Variants in OPHN1 observed in about 807,000 individuals in gnomAD.
OPHN1 encodes the protein oligophrenin 1.
A neutral mutation model predicts 60.7 loss-of-function variants in OPHN1; 11 were observed. The observed-to-expected ratio is 0.18, with a 90% CI of 0.11 to 0.30. The LOEUF is 0.30. Among genes scored for constraint, OPHN1 ranks in the 10% least tolerant of loss-of-function variants. OPHN1 has a pLI of 1.00. For missense variants in OPHN1, 449 were observed against 611.0 expected, an observed-to-expected ratio of 0.73 and a Z score of 2.80; for synonymous variants, 226 against 222.6, an observed-to-expected ratio of 1.02 and a Z score of -0.14.
Position 68,398,513 on chromosome X carries a change from G to A in OPHN1, c.154+34354C>T, listed in dbSNP as rs138367576. Reference sequence around the variant, plus strand: ...AAAAGAAACCACACAGAAACACAGGGCTATCAGGTTTATAAAGAAGTCACT... The same window carrying A: ...AAAAGAAACCACACAGAAACACAGGACTATCAGGTTTATAAAGAAGTCACT... On this transcript the variant is annotated intron_variant, in intron 2 of 24. Transcript: ENST00000355520. 1.9e-4 allele frequency among the ~76,000 whole-genome samples: 21 copies of A among 112,035 alleles called. No individual in the cohort carries two copies. In the East Asian group the frequency reaches 5.9e-3, roughly 31 times the overall value.
chrX:68,349,935 A>C (rs1161077746), intron 2 of OPHN1, among the ~76,000 whole-genome samples: 2 of 111,038 alleles, frequency 1.8e-5, no homozygotes, highest in Non-Finnish European at 3.8e-5. Context: ...GGGAGGGATA[A>C]CATTAGGAGA....
chrX:68,374,969 T>A (rs888587191), intron 2 of OPHN1, among the ~76,000 whole-genome samples: 1 of 112,049 alleles, frequency 8.9e-6, no homozygotes, highest in African/African-American at 3.2e-5. Context: ...GGCCATACCA[T>A]GTGCTGCCAA....
chrX:68,283,129 G>A lies in OPHN1; in HGVS notation c.251-12C>T. On this transcript the variant is annotated splice_polypyrimidine_tract_variant and intron_variant, in intron 3 of 24. Transcript: ENST00000355520. ...CTTGAAGGATTCAGCTGGAAGGAGA[G>A]AATCAAATGTAAAACAAATTAATCA... 1 of 1,180,175 alleles carries A rather than the reference G, an allele frequency of 8.5e-7. No homozygotes were observed. The highest frequency in any genetic ancestry group is 1.2e-6 in the Non-Finnish European group (1 of 867,517).
intron 5 of OPHN1, among the ~76,000 whole-genome samples, chrX:68,271,109 C>T (rs1038416348): frequency 3.6e-5 from 4 of 111,556 alleles, no homozygotes; most frequent in African/African-American, 1.3e-4. Context: ...AGGCTAAGTC[C>T]AATCAGGAGA....
rs751330679 is a variant in OPHN1, at chrX:68,314,941, G to A, written c.155-15845C>T. Among the ~76,000 whole-genome samples the A allele has an allele frequency of 6.2e-4, 65 of 105,349 alleles. No individual in the cohort carries two copies. The Admixed American group carries it at 6.2e-3, about 10-fold the overall frequency. 91.5% of individuals were successfully genotyped at this position (105,349 alleles called of 115,157 possible). A position where few individuals can be genotyped will look rare whatever the true frequency, so the allele number is the denominator to read the frequency against. On this transcript the variant is annotated intron_variant, in intron 2 of 24. Coordinates refer to ENST00000355520, the MANE Select transcript of OPHN1 (RefSeq NM_002547.3). ...GTGGAGGTTGCAGTGAGCCAAGATC[G>A]TGTCACTGCACTCCAGCCTGGGCGA...
chrX:68,167,634 T>C (rs1459210116), intron 15 of OPHN1, among the ~76,000 whole-genome samples: 2 of 110,257 alleles, frequency 1.8e-5, no homozygotes, highest in Admixed American at 9.7e-5. Context: ...CATGCATGCA[T>C]ATATATGCAT....
chrX:68,356,254 T>C (rs1008310391), intron 2 of OPHN1, among the ~76,000 whole-genome samples: 9 of 110,325 alleles, frequency 8.2e-5, no homozygotes, highest in South Asian at 3.9e-4. Context: ...AAGGCTTAAA[T>C]AGAACAAAAG....
chrX:68,181,940 T>C (rs1350167229), intron 15 of OPHN1, among the ~76,000 whole-genome samples: 1 of 112,209 alleles, frequency 8.9e-6, no homozygotes, highest in East Asian at 2.8e-4. Flanking sequence ...ACAAATCCTA[T>C]GTCTAGAACT....
chrX:68,240,351 C>A (rs1258980467), intron 5 of OPHN1, among the ~76,000 whole-genome samples: 1 of 111,582 alleles, frequency 9.0e-6, no homozygotes, highest in African/African-American at 3.3e-5. Context: ...AGGATTTGAA[C>A]CGACTCATTT....
intron 2 of OPHN1, among the ~76,000 whole-genome samples, chrX:68,401,825 C>T (rs2078716055): frequency 9.0e-6 from 1 of 111,580 alleles, no homozygotes; most frequent in Admixed American, 9.7e-5. Flanking sequence ...CGAGGAGAAC[C>T]AGAGCTGAAC....
chrX:68,071,873 C>A (rs1427609817), intron 20 of OPHN1: 7 of 309,628 alleles, frequency 2.3e-5, no homozygotes, highest in Non-Finnish European at 4.0e-5. Context: ...AAAGGATGTG[C>A]TGTTACTGGC....
chrX:68,417,359 T>G (rs1377103651), intron 2 of OPHN1, among the ~76,000 whole-genome samples: 1 of 112,246 alleles, frequency 8.9e-6, no homozygotes, highest in African/African-American at 3.2e-5. Context: ...CCCAAAGTGC[T>G]GAGATTATAG....
intron 6 of OPHN1, among the ~76,000 whole-genome samples, chrX:68,229,284 C>T (rs1273642180): frequency 8.9e-6 from 1 of 111,949 alleles, no homozygotes; most frequent in African/African-American, 3.2e-5. Context: ...AATGGAAGTA[C>T]ATTCCATGCA....
chrX:68,065,986 A>G (rs1260181463), intron 20 of OPHN1, among the ~76,000 whole-genome samples: 1 of 112,302 alleles, frequency 8.9e-6, no homozygotes, highest in Non-Finnish European at 1.9e-5. Context: ...GTAGACACAT[A>G]GCCCTTTATT....
At chrX:68,276,442 G>A (rs552930443) in intron 4 of OPHN1, among the ~76,000 whole-genome samples, 2 of 111,458 alleles carry the variant, frequency 1.8e-5, no homozygotes, top group African/African-American at 6.5e-5. Context: ...ATTCATTTTG[G>A]TTGCTTAGGA....
At chrX:68,333,305 G>T (rs951236700) in intron 2 of OPHN1, among the ~76,000 whole-genome samples, 2 of 108,952 alleles carry the variant, frequency 1.8e-5, no homozygotes, top group Non-Finnish European at 3.8e-5. Flanking sequence ...GTCATATAAT[G>T]TAATAATATT....
At chrX:68,246,530 G>A (rs1467292551) in intron 5 of OPHN1, among the ~76,000 whole-genome samples, 2 of 111,755 alleles carry the variant, frequency 1.8e-5, no homozygotes, top group East Asian at 5.6e-4. Context: ...TGAGTGGGTC[G>A]ATGGTTGCCC....
intron 2 of OPHN1, among the ~76,000 whole-genome samples, chrX:68,349,919 G>T (rs2078399056): frequency 9.1e-6 from 1 of 110,408 alleles, no homozygotes; most frequent in African/African-American, 3.3e-5. Context: ...GGGGGTGGGG[G>T]GCTAGGGGAG....
chrX:68,228,372 C>T (rs758349856), intron 6 of OPHN1, among the ~76,000 whole-genome samples: 1 of 108,876 alleles, frequency 9.2e-6, no homozygotes, highest in African/African-American at 3.3e-5. Flanking sequence ...TATTCCAATC[C>T]ATAGAAAAAG....
Sources: gnomAD v4.1 joint callset for allele counts (sites outside exome capture counted in the v4.1 genomes callset) on GRCh38, gnomAD v4.1.1 for gene constraint, MANE v1.5 for transcripts, NCBI Gene and HGNC (gene_info 2026-07-23, HGNC 2026-07-21) for gene names.